CDH11: variants seen among roughly 807,000 people sequenced by gnomAD.
CDH11 encodes the protein cadherin 11, also known as cadherin-11.
A neutral mutation model predicts 67.8 loss-of-function variants in CDH11; 11 were observed. The observed-to-expected ratio is 0.16, with a 90% CI of 0.10 to 0.27. The LOEUF is 0.27. Among genes scored for constraint, CDH11 ranks in the 10% least tolerant of loss-of-function variants. The probability of loss-of-function intolerance (pLI) is 1.00; values close to 1 mark genes in which losing one functional copy is unlikely to be tolerated. For synonymous variants in CDH11, 419 were observed against 400.0 expected (o/e 1.05, Z -0.57); for missense variants, 847 against 1,031.2 (o/e 0.82, Z 2.45).
chr16:64,957,121 C>T (rs1049682320), intron 11 of CDH11, among the ~76,000 whole-genome samples: 3 of 152,130 alleles, frequency 2.0e-5, no homozygotes, highest in African/African-American at 2.4e-5. Context: ...AGGAGAGAGG[C>T]TTATCCCAGG....
chr16:65,069,728 C>A (rs1166739831), intron 1 of CDH11, among the ~76,000 whole-genome samples: 1 of 152,140 alleles, frequency 6.6e-6, no homozygotes, highest in South Asian at 2.1e-4. Context: ...AAAATACTTT[C>A]TTGGGTTAAC....
intron 1 of CDH11, among the ~76,000 whole-genome samples, chr16:65,062,236 A>C (rs914777267): frequency 6.6e-6 from 1 of 152,200 alleles, no homozygotes; most frequent in Non-Finnish European, 1.5e-5. Flanking sequence ...TTAACCAGAC[A>C]CAAGGCCTGA....
chr16:65,058,870 A>C (rs972320814), intron 1 of CDH11, among the ~76,000 whole-genome samples: 1 of 152,216 alleles, frequency 6.6e-6, no homozygotes, highest in African/African-American at 2.4e-5. Flanking sequence ...CAATACATGG[A>C]ACACTTCACT....
In CDH11 at chr16:64,990,837, T is replaced by C. The variant is rs60410317; in HGVS notation, c.811+931A>G. 3.4e-3 allele frequency among the ~76,000 whole-genome samples: 512 copies of C among 152,348 alleles called. 3 individuals carry two copies. Among genetic ancestry groups the C allele is most frequent in the African/African-American group, 0.012 (498 of 41,582 alleles). On this transcript the variant is annotated intron_variant, in intron 6 of 12. Transcript: ENST00000268603. ...ATGGCTAGAATTTGTTGACGACTTATAGACAGTTGTCATTATAAGATTTTA... is the reference window on the plus strand; with the variant it reads ...ATGGCTAGAATTTGTTGACGACTTACAGACAGTTGTCATTATAAGATTTTA...
At chr16:64,999,958 G>A (rs938837285) in intron 3 of CDH11, among the ~76,000 whole-genome samples, 1 of 152,098 alleles carries the variant, frequency 6.6e-6, no homozygotes, top group African/African-American at 2.4e-5. Flanking sequence ...CCTGCTTTGC[G>A]GTACACAGGG....
intron 2 of CDH11, among the ~76,000 whole-genome samples, chr16:65,021,876 G>GAAAAAAAAAAAAAAAAAAAA (rs35700448): frequency 9.1e-6 from 1 of 109,860 alleles, no homozygotes; most frequent in Non-Finnish European, 1.8e-5. Context: ...AAGTAACTCA[G>GAAAAAAAAAAAAAAAAAAAA]AAAAAAAAAA....
At position 64,947,338 on chromosome 16, in the gene CDH11, C is replaced by G; in HGVS notation, c.*265G>C. 8.1e-7 allele frequency: 1 copy of G among 1,237,484 alleles called. No individual in the cohort carries two copies. Among genetic ancestry groups the G allele is most frequent in the Non-Finnish European group, 1.0e-6 (1 of 986,000 alleles). 76.7% of individuals were successfully genotyped at this position (1,237,484 alleles called of 1,614,324 possible). ...TCAGTTCAGCGTTAGACTTCTCCTT[C>G]ACTTAAATATTTTGTATGCCAAGTG... On this transcript the variant is annotated 3_prime_UTR_variant, in exon 13 of 13. Transcript: ENST00000268603.
chr16:65,108,117 C>T (rs963760918), intron 1 of CDH11, among the ~76,000 whole-genome samples: 2 of 152,052 alleles, frequency 1.3e-5, no homozygotes, highest in African/African-American at 4.8e-5. Flanking sequence ...AAAACTGTTG[C>T]TTTTCTGGCT....
intron 2 of CDH11, among the ~76,000 whole-genome samples, chr16:65,035,566 T>G (rs1469914646): frequency 9.2e-5 from 14 of 152,224 alleles, no homozygotes; most frequent in African/African-American, 3.4e-4. Flanking sequence ...GCTATATACT[T>G]AAAAAGGCAT....
intron 11 of CDH11, among the ~76,000 whole-genome samples, chr16:64,952,243 G>C (rs766525383): frequency 3.0e-4 from 46 of 152,146 alleles, no homozygotes; most frequent in Non-Finnish European, 6.2e-4. Flanking sequence ...CATCTCTTGT[G>C]TGACCCACCA....
chr16:64,974,538 AC>A (rs1411145430), intron 8 of CDH11, among the ~76,000 whole-genome samples: 3 of 151,846 alleles, frequency 2.0e-5, no homozygotes, highest in African/African-American at 4.8e-5. Context: ...GGAAAGAGGG[AC>A]CCCCCACTGA....
At chr16:64,972,085 C>T (rs768192972) in intron 9 of CDH11, 21 bp from the exon 10 acceptor site, 1 of 1,612,276 alleles carries the variant, frequency 6.2e-7, no homozygotes, top group East Asian at 2.2e-5. Flanking sequence ...AGAATGCAGA[C>T]AGTCAAGAAA....
At chr16:65,114,152 G>A (rs2075204489) in intron 1 of CDH11, among the ~76,000 whole-genome samples, 1 of 152,170 alleles carries the variant, frequency 6.6e-6, no homozygotes, top group African/African-American at 2.4e-5. Flanking sequence ...TTTCCTGAGA[G>A]GTAGTTAGCA....
intron 11 of CDH11, among the ~76,000 whole-genome samples, chr16:64,960,772 C>T (rs747061791): frequency 2.6e-5 from 4 of 152,028 alleles, no homozygotes; most frequent in Non-Finnish European, 4.4e-5. Context: ...ATGTCTTGCT[C>T]ACTAAGCTAT....
chr16:64,950,747 G>A lies in CDH11; in HGVS notation c.1894+20C>T, dbSNP rs752547668. 6.2e-7 allele frequency: 1 copy of A among 1,609,056 alleles called. No individual in the cohort carries two copies. ...CCGGTTGCCTGGCCCTTCCTGCAGGGGACCAGGAAGCGCCCTTACCCAGGA... is the reference window on the plus strand; with the variant it reads ...CCGGTTGCCTGGCCCTTCCTGCAGGAGACCAGGAAGCGCCCTTACCCAGGA... On this transcript the variant is annotated intron_variant, in intron 12 of 12. Coordinates refer to ENST00000268603, the MANE Select transcript of CDH11 (RefSeq NM_001797.4).
At chr16:65,083,099 T>C (rs2074638380) in intron 1 of CDH11, among the ~76,000 whole-genome samples, 1 of 152,266 alleles carries the variant, frequency 6.6e-6, no homozygotes, top group Admixed American at 6.5e-5. Context: ...TAAAAGTAAC[T>C]GAGAGAAATG....
In CDH11 at chr16:64,947,312, G is replaced by T; in HGVS notation, c.*291C>A. 8.4e-7 allele frequency: 1 copy of T among 1,184,966 alleles called. No individual in the cohort carries two copies. Among genetic ancestry groups the T allele is most frequent in the African/African-American group, 1.5e-5 (1 of 64,622 alleles). The allele number at this position is 1,184,966 out of a possible 1,614,324, so 73.4% of individuals were successfully genotyped here. On this transcript the variant is annotated 3_prime_UTR_variant, in exon 13 of 13. Coordinates refer to ENST00000268603, the MANE Select transcript of CDH11 (RefSeq NM_001797.4). ...AACACATAAACAATTTCCCTTCATT[G>T]TCAGTTCAGCGTTAGACTTCTCCTT...
Position 65,004,793 on chromosome 16 carries a change from T to C in CDH11, c.77A>G (p.Glu26Gly), listed in dbSNP as rs1471956998. ...GGAGGGCCGCAGGTGCCCCCGCCGCTCTGGGGCAAAGGCATGGCTGTGGCA... is the reference window on the plus strand; with the variant it reads ...GGAGGGCCGCAGGTGCCCCCGCCGCCCTGGGGCAAAGGCATGGCTGTGGCA... ...MLCHSHAFAP[E>G]RRGHLRPSFH... is the part of the protein sequence containing the mutation. The change falls in exon 3 of 13, where the codon GAG becomes GGG. Residue 26 changes from glutamate to glycine, a missense_variant. By Grantham distance (98) the Glu-to-Gly change is moderately conservative. This residue lies in a region of CDH11 where 235 missense variants were observed against 352.5 expected (regional missense o/e 0.67). Coordinates refer to ENST00000268603, the MANE Select transcript of CDH11 (RefSeq NM_001797.4). The C allele has an allele frequency of 6.3e-7, 1 of 1,599,474 alleles. No individual in the cohort carries two copies. Among genetic ancestry groups the C allele is most frequent in the Non-Finnish European group, 8.5e-7 (1 of 1,173,206 alleles).
intron 1 of CDH11, among the ~76,000 whole-genome samples, chr16:65,071,180 C>T (rs1193514137): frequency 6.6e-6 from 1 of 152,152 alleles, no homozygotes; most frequent in Non-Finnish European, 1.5e-5. Context: ...AAAGTGGTCC[C>T]AGTGGAAAAT....
Sources: gnomAD v4.1 joint callset for allele counts (sites outside exome capture counted in the v4.1 genomes callset) on GRCh38, gnomAD v4.1.1 for gene constraint, gnomAD v4.1.1 regional missense constraint, MANE v1.5 for transcripts, NCBI Gene and HGNC (gene_info 2026-07-23, HGNC 2026-07-21) for gene names.